The following FBN3 variants were observed in gnomAD, a reference collection of about 807,000 sequenced individuals.
The protein encoded by FBN3 is fibrillin 3, also known as fibrillin-3.
A neutral mutation model predicts 330.1 loss-of-function variants in FBN3; 234 were observed. That is an observed-to-expected ratio of 0.71 (90% CI 0.64 to 0.79). The LOEUF (loss-of-function observed/expected upper bound fraction) is 0.79. Among genes scored for constraint, FBN3 ranks in the 30% least tolerant of loss-of-function variants. The pLI is 0.00. For synonymous variants in FBN3, 1,458 were observed against 1,517.3 expected, an observed-to-expected ratio of 0.96 and a Z score of 0.91; for missense variants, 3,606 against 3,886.9, an observed-to-expected ratio of 0.93 and a Z score of 1.92.
intron 16 of FBN3, among the ~76,000 whole-genome samples, chr19:8,130,611 A>AGGAAG (rs1271445703): frequency 6.5e-5 from 1 of 15,476 alleles, no homozygotes; most frequent in Non-Finnish European, 1.3e-4. Flanking sequence ...AAAGAAAGAA[A>AGGAAG]GAAAGAAAGA....
intron 30 of FBN3, among the ~76,000 whole-genome samples, chr19:8,114,572 A>G (rs1341709979): frequency 2.0e-5 from 3 of 151,642 alleles, no homozygotes; most frequent in African/African-American, 7.3e-5. Context: ...TTTAATATAG[A>G]TGGGGTTGCT....
intron 24 of FBN3, 97 bp downstream of exon 24, chr19:8,123,367 A>T: frequency 1.5e-6 from 2 of 1,321,472 alleles, no homozygotes; most frequent in Non-Finnish European, 2.1e-6. Context: ...AAAAAAAAAG[A>T]AGAAGAAAAA....
intron 63 of FBN3, 137 bp downstream of exon 63, chr19:8,071,911 G>A: frequency 1.1e-6 from 1 of 874,406 alleles, no homozygotes; most frequent in South Asian, 1.7e-5. Flanking sequence ...CCGGCACCAT[G>A]ACATGGGGAA....
rs753948374 is a variant in FBN3 at position 8,081,004 on chromosome 19, G to A, written c.7452C>T (p.Phe2484=). 12 of 1,607,684 alleles carry A rather than the reference G, an allele frequency of 7.5e-6. No individual in the cohort carries two copies. The highest frequency in any genetic ancestry group is 2.2e-5 in the East Asian group (1 of 44,858). The change falls in exon 59 of 64, where the codon TTC becomes TTT. Residue 2484 remains phenylalanine, a splice_region_variant and synonymous_variant. Transcript: ENST00000600128. Reference sequence around the variant, plus strand: ...CGGTGAGGGGCAAGGGTCACTCACCGAAGCAGGCCTGGTGGTGCTGGGTGA... The same window carrying A: ...CGGTGAGGGGCAAGGGTCACTCACCAAAGCAGGCCTGGTGGTGCTGGGTGA... ...PGFTQHHQAC[F]DNDECSAQPG...
chr19:8,072,133 A>G lies in FBN3; in HGVS notation c.8003T>C (p.Leu2668Pro). The change falls in exon 63 of 64, where the codon CTC (leucine) becomes CCC (proline). Residue 2668 changes from leucine to proline, a missense_variant. Physicochemically the swap from Leu to Pro is moderately conservative, Grantham distance 98. Coordinates refer to ENST00000600128, the MANE Select transcript of FBN3 (RefSeq NM_032447.5). The part of the protein sequence containing the change: ...PQDTPDKEEL[L>P]SSEACYECKI... ...GCATTCGTAGCAGGCTTCAGACGAG[A>G]GCAGCTCCTCTTTGTCCGGGGTGTC... The G allele has an allele frequency of 6.2e-7, 1 of 1,608,550 alleles. No homozygotes were observed. The highest frequency in any genetic ancestry group is 8.5e-7 in the Non-Finnish European group (1 of 1,177,870).
chr19:8,135,370 T>C (rs954811895), intron 13 of FBN3, among the ~76,000 whole-genome samples: 3 of 151,954 alleles, frequency 2.0e-5, no homozygotes, highest in African/African-American at 7.3e-5. Flanking sequence ...CTCCGTCTCC[T>C]GGGTTCAGGC....
At chr19:8,084,719 T>C (rs1391656130) in intron 56 of FBN3, among the ~76,000 whole-genome samples, 1 of 151,830 alleles carries the variant, frequency 6.6e-6, no homozygotes, top group Non-Finnish European at 1.5e-5. Context: ...CCCGAGTAAC[T>C]GGGATTACAG....
At chr19:8,091,014 C>G (rs1265249129) in intron 48 of FBN3, among the ~76,000 whole-genome samples, 1 of 152,142 alleles carries the variant, frequency 6.6e-6, no homozygotes. Context: ...CCTCCCAGAA[C>G]AGCAAATATT....
At chr19:8,102,591 G>T in intron 40 of FBN3, 133 bp downstream of exon 40, 1 of 838,352 alleles carries the variant, frequency 1.2e-6, no homozygotes, top group Non-Finnish European at 1.9e-6. Context: ...ACTAATAGAG[G>T]GACAAAACTT....
intron 22 of FBN3, among the ~76,000 whole-genome samples, 183 bp from the exon 23 acceptor site, chr19:8,124,191 T>C (rs981077594): frequency 6.6e-6 from 1 of 152,118 alleles, no homozygotes; most frequent in Non-Finnish European, 1.5e-5. Flanking sequence ...TACTGTTCTG[T>C]AGCACTGTTC....
intron 47 of FBN3, among the ~76,000 whole-genome samples, chr19:8,093,584 C>A (rs1052754900): frequency 6.6e-6 from 1 of 152,108 alleles, no homozygotes; most frequent in Admixed American, 6.6e-5. Context: ...GATTGTGCCA[C>A]TGCACTCCAG....
intron 59 of FBN3, among the ~76,000 whole-genome samples, chr19:8,079,809 C>T (rs970265541): frequency 3.3e-5 from 5 of 152,084 alleles, no homozygotes; most frequent in African/African-American, 1.2e-4. Context: ...AGGCTGGTCT[C>T]GAATTCCTGG....
intron 19 of FBN3, 25 bp downstream of exon 19, chr19:8,126,688 G>A (rs945299015): frequency 7.0e-6 from 11 of 1,582,008 alleles, no homozygotes; most frequent in South Asian, 3.4e-5. Context: ...CCTCTGGAAC[G>A]CCGTCGGGCT....
intron 63 of FBN3, 24 bp downstream of exon 63, chr19:8,072,024 T>C: frequency 6.2e-7 from 1 of 1,603,052 alleles, no homozygotes. Flanking sequence ...TGGCCACCCC[T>C]GCCTAGTGCA....
At chr19:8,072,711 TGC>T (rs1355395037) in intron 62 of FBN3, among the ~76,000 whole-genome samples, 3 of 125,210 alleles carry the variant, frequency 2.4e-5, no homozygotes, top group African/African-American at 4.1e-5. Flanking sequence ...CACTGGGACA[TGC>T]GCGCGTGCAC....
chr19:8,079,411 C>T (rs967884102), intron 59 of FBN3, among the ~76,000 whole-genome samples: 4 of 128,906 alleles, frequency 3.1e-5, no homozygotes, highest in Non-Finnish European at 6.4e-5. Context: ...AGCAAGACTC[C>T]ATCTCTAAAA....
At chr19:8,128,215 C>A (rs1293377645) in intron 18 of FBN3, among the ~76,000 whole-genome samples, 1 of 152,070 alleles carries the variant, frequency 6.6e-6, no homozygotes, top group Non-Finnish European at 1.5e-5. Flanking sequence ...TAACTGTGTG[C>A]CCCTGAGTGT....
intron 55 of FBN3, 101 bp downstream of exon 55, chr19:8,086,099 A>C: frequency 1.4e-5 from 3 of 209,318 alleles, no homozygotes; most frequent in Non-Finnish European, 1.5e-5. Flanking sequence ...ACAGGGAGTG[A>C]AGGGGGCAGG....
rs980945337 is a variant in FBN3, at chr19:8,147,633, C to A, written c.-17-136G>T. ...TCTGGGAGCCCAAGGAGGCATCCAG[C>A]CCCAACCGGGAAGCGGTGAACAGTC... On this transcript the variant is annotated intron_variant, in intron 1 of 63. Transcript: ENST00000600128. 7 of 631,412 alleles carry A rather than the reference C, an allele frequency of 1.1e-5. No individual in the cohort carries two copies. In the African/African-American group the frequency reaches 1.1e-4, roughly 10 times the overall value. The allele number at this position is 631,412 out of a possible 1,614,324, so 39.1% of individuals were successfully genotyped here.
Sources: gnomAD v4.1 joint callset for allele counts (sites outside exome capture counted in the v4.1 genomes callset) on GRCh38, gnomAD v4.1.1 for gene constraint, MANE v1.5 for transcripts, NCBI Gene and HGNC (gene_info 2026-07-23, HGNC 2026-07-21) for gene names.